ROBO2: variants seen among roughly 807,000 people sequenced by gnomAD.
ROBO2 encodes the protein roundabout guidance receptor 2, also known as roundabout homolog 2.
A neutral mutation model predicts 160.8 loss-of-function variants in ROBO2; 53 were observed. The observed-to-expected ratio is 0.33, with a 90% CI of 0.26 to 0.41. ROBO2 has a LOEUF of 0.41. Ranked by LOEUF, ROBO2 falls within the 10% of genes least tolerant of loss-of-function variation. The pLI is 1.00. For missense variants in ROBO2, 1,577 were observed against 1,722.4 expected (o/e 0.92, Z 1.49); for synonymous variants, 664 against 611.7 (o/e 1.09, Z -1.26).
At chr3:76,599,079 AT>A (rs1307961113) in intron 2 of ROBO2, among the ~76,000 whole-genome samples, 2 of 152,144 alleles carry the variant, frequency 1.3e-5, no homozygotes, top group African/African-American at 2.4e-5. Flanking sequence ...TTTAAAAAAA[AT>A]TTTGTTTTAG....
intron 2 of ROBO2, among the ~76,000 whole-genome samples, chr3:77,278,924 A>G (rs891421730): frequency 6.6e-6 from 1 of 152,134 alleles, no homozygotes; most frequent in Non-Finnish European, 1.5e-5. Context: ...AATCGTAATC[A>G]TGGTAACAGC....
chr3:76,369,076 G>T (rs1559834602), intron 2 of ROBO2, among the ~76,000 whole-genome samples: 3 of 152,016 alleles, frequency 2.0e-5, no homozygotes, highest in East Asian at 3.9e-4. Flanking sequence ...TCTCACTAGA[G>T]TACTATGTAA....
At chr3:76,931,329 C>T (rs191827102) in intron 2 of ROBO2, among the ~76,000 whole-genome samples, 1 of 152,268 alleles carries the variant, frequency 6.6e-6, no homozygotes, top group African/African-American at 2.4e-5. Context: ...ATATATGCCA[C>T]ATTGTTAGTT....
chr3:77,562,379 A>C (rs1381993247), intron 9 of ROBO2, among the ~76,000 whole-genome samples: 2 of 152,106 alleles, frequency 1.3e-5, no homozygotes, highest in Non-Finnish European at 2.9e-5. Flanking sequence ...ATCACAGAGG[A>C]AGAAAAAGAG....
intron 2 of ROBO2, among the ~76,000 whole-genome samples, chr3:76,524,539 T>TA (rs1560090657): frequency 1.3e-5 from 2 of 151,828 alleles, no homozygotes; most frequent in African/African-American, 4.8e-5. Context: ...ACTCTCCTAA[T>TA]ACCTATGATT....
chr3:77,433,751 A>C (rs1238544535), intron 2 of ROBO2, among the ~76,000 whole-genome samples: 2 of 151,758 alleles, frequency 1.3e-5, no homozygotes, highest in Admixed American at 6.6e-5. Flanking sequence ...TGGCTCACTC[A>C]TGGTCTTTCT....
At chr3:76,016,410 TGTCA>T (rs1260185000) in intron 2 of ROBO2, among the ~76,000 whole-genome samples, 3 of 151,946 alleles carry the variant, frequency 2.0e-5, no homozygotes, top group Admixed American at 1.3e-4. Flanking sequence ...ATGAAATCTC[TGTCA>T]GTATATCTCG....
intron 2 of ROBO2, among the ~76,000 whole-genome samples, chr3:76,201,312 G>A (rs1003113105): frequency 1.3e-5 from 2 of 152,016 alleles, no homozygotes; most frequent in African/African-American, 4.8e-5. Context: ...TATTCATAAC[G>A]TTGCCACTTC....
chr3:76,535,305 T>G (rs2082435092), intron 2 of ROBO2, among the ~76,000 whole-genome samples: 1 of 151,902 alleles, frequency 6.6e-6, no homozygotes, highest in South Asian at 2.1e-4. Flanking sequence ...AGGGGAGATG[T>G]GAGGAGAATT....
intron 2 of ROBO2, among the ~76,000 whole-genome samples, chr3:77,433,373 A>G (rs1255165202): frequency 1.3e-5 from 2 of 150,758 alleles, no homozygotes; most frequent in African/African-American, 2.4e-5. Flanking sequence ...CTATTATTCT[A>G]TGTTATGCTG....
At chr3:77,399,388 T>C (rs1012629895) in intron 2 of ROBO2, among the ~76,000 whole-genome samples, 3 of 152,188 alleles carry the variant, frequency 2.0e-5, no homozygotes, top group Non-Finnish European at 2.9e-5. Flanking sequence ...AATCTTTTTT[T>C]CTTTTTACAA....
intron 2 of ROBO2, among the ~76,000 whole-genome samples, chr3:77,289,347 C>T (rs569251180): frequency 1.9e-4 from 28 of 151,244 alleles, no homozygotes; most frequent in Non-Finnish European, 3.7e-4. Flanking sequence ...GTAAAATTGA[C>T]GGTTAAACGG....
intron 2 of ROBO2, among the ~76,000 whole-genome samples, chr3:76,453,316 C>T (rs1036036066): frequency 2.6e-5 from 4 of 152,040 alleles, no homozygotes; most frequent in Admixed American, 6.6e-5. Flanking sequence ...TTAGCTCTAA[C>T]GTTTAAGTCT....
chr3:76,854,606 T>G (rs1251512809), intron 2 of ROBO2, among the ~76,000 whole-genome samples: 1 of 152,210 alleles, frequency 6.6e-6, no homozygotes, highest in Non-Finnish European at 1.5e-5. Flanking sequence ...CAGTAACTTA[T>G]GCCTTCTTGT....
intron 2 of ROBO2, among the ~76,000 whole-genome samples, chr3:75,975,200 T>C (rs188483783): frequency 5.7e-4 from 87 of 151,598 alleles, no homozygotes; most frequent in African/African-American, 2.0e-3. Flanking sequence ...GTACAATACA[T>C]GAATATTGGC....
At chr3:76,375,375 A>G (rs182478424) in intron 2 of ROBO2, among the ~76,000 whole-genome samples, 19 of 151,994 alleles carry the variant, frequency 1.3e-4, no homozygotes. Context: ...CACACTGTGG[A>G]GGTCACTAAC....
At chr3:76,745,344 A>G (rs2093868466) in intron 2 of ROBO2, among the ~76,000 whole-genome samples, 1 of 152,036 alleles carries the variant, frequency 6.6e-6, no homozygotes, top group Non-Finnish European at 1.5e-5. Context: ...TGATTGCAAC[A>G]GCTGGTGTGA....
At chr3:77,241,437 G>A (rs2089021219) in intron 2 of ROBO2, among the ~76,000 whole-genome samples, 2 of 152,260 alleles carry the variant, frequency 1.3e-5, no homozygotes, top group East Asian at 3.9e-4. Context: ...AATAATTATA[G>A]TAAGTAGCCA....
chr3:76,886,253 C>CAA lies in ROBO2; in HGVS notation c.110-211755_110-211754dup, dbSNP rs367823351. 2.6e-3 allele frequency among the ~76,000 whole-genome samples: 362 copies of CAA among 140,990 alleles called. 4 individuals are homozygous for CAA. The highest frequency in any genetic ancestry group is 5.8e-3 in the South Asian group (27 of 4,642). 92.5% of individuals were successfully genotyped at this position (140,990 alleles called of 152,430 possible). ...TTATAGCTAGGAGAATAACCAATTC[C>CAA]AAAAAAATATATATATATATATAGA... On this transcript the variant is annotated intron_variant, in intron 2 of 26. Coordinates refer to the ROBO2 transcript ENST00000487694.
Sources: allele counts gnomAD v4.1 joint callset (sites outside exome capture counted in the v4.1 genomes callset), GRCh38; gene constraint gnomAD v4.1.1; transcripts MANE v1.5; gene names NCBI Gene and HGNC (gene_info 2026-07-23, HGNC 2026-07-21).